SNX29: variants seen among roughly 807,000 people sequenced by gnomAD.
SNX29 encodes the protein sorting nexin-29.
SNX29 carries 78 observed loss-of-function variants against 102.1 expected under a neutral mutation model. That is an observed-to-expected ratio of 0.76 (90% CI 0.64 to 0.92). The LOEUF (loss-of-function observed/expected upper bound fraction) is 0.92. Among genes scored for constraint, SNX29 ranks in the 40% least tolerant of loss-of-function variants. The pLI is 0.00. For synonymous variants in SNX29, 580 were observed against 414.5 expected (o/e 1.40, Z -4.85); for missense variants, 1,280 against 1,061.7 (o/e 1.21, Z -2.86).
chr16:12,009,190 T>G (rs375056535), intron 3 of SNX29, among the ~76,000 whole-genome samples: 2 of 152,106 alleles, frequency 1.3e-5, no homozygotes, highest in South Asian at 2.1e-4. Context: ...TCAAGACAAA[T>G]AAGTAAATAA....
chr16:12,470,942 G>A (rs76887958), intron 18 of SNX29, among the ~76,000 whole-genome samples: 7,400 of 152,242 alleles, frequency 0.049, 587 homozygotes, highest in African/African-American at 0.17. Flanking sequence ...CTGCCTTACA[G>A]ATGAAGAAGC....
intron 18 of SNX29, among the ~76,000 whole-genome samples, chr16:12,434,290 C>G (rs115797034): frequency 0.013 from 2,027 of 152,270 alleles, 47 homozygotes; most frequent in African/African-American, 0.046. Flanking sequence ...GTAGTAAGCT[C>G]TCAGTGGCTG....
chr16:12,550,461 G>T (rs939250164), intron 20 of SNX29, among the ~76,000 whole-genome samples: 2 of 151,852 alleles, frequency 1.3e-5, no homozygotes, highest in Non-Finnish European at 2.9e-5. Flanking sequence ...CTTAAACCCG[G>T]GAGGTGGAGG....
chr16:12,388,334 G>GT (rs1167412421), intron 16 of SNX29, among the ~76,000 whole-genome samples: 2 of 152,164 alleles, frequency 1.3e-5, no homozygotes, highest in African/African-American at 4.8e-5. Context: ...AATTACATGA[G>GT]TGGGTACAAA....
rs774661988 is a variant in SNX29, at chr16:12,096,133, C to T, written c.1402+17218C>T. 4.6e-5 allele frequency among the ~76,000 whole-genome samples: 7 copies of T among 152,358 alleles called. No individual in the cohort carries two copies. Among genetic ancestry groups the T allele is most frequent in the Non-Finnish European group, 7.3e-5 (5 of 68,040 alleles). ...GCAGTCTGAGCCCCCTGCCCCTTAA[C>T]TGCCGAGAAGTGAACCTAGGTGACG... On this transcript the variant is annotated intron_variant, in intron 11 of 20. Coordinates refer to ENST00000566228, the MANE Select transcript of SNX29 (RefSeq NM_032167.5). This position sits in a 1 kb window ranked among gnomAD's most constrained non-coding sequence, Gnocchi z 4.2.
At chr16:12,431,763 T>G (rs1252590873) in intron 18 of SNX29, among the ~76,000 whole-genome samples, 1 of 152,224 alleles carries the variant, frequency 6.6e-6, no homozygotes, top group African/African-American at 2.4e-5. Flanking sequence ...TCTGAGCTGT[T>G]ACCTAAACCC....
chr16:12,169,923 G>C (rs1413487583), intron 13 of SNX29, among the ~76,000 whole-genome samples: 3 of 152,036 alleles, frequency 2.0e-5, no homozygotes, highest in Non-Finnish European at 4.4e-5. Flanking sequence ...TTACAGGGGT[G>C]AGCCACCGTA....
chr16:12,380,605 C>A (rs1401927716), intron 16 of SNX29, among the ~76,000 whole-genome samples: 4 of 134,532 alleles, frequency 3.0e-5, no homozygotes, highest in African/African-American at 2.8e-5. Flanking sequence ...ATCCACCCAT[C>A]CACCATCCAT....
At chr16:12,471,515 A>C (rs983118411) in intron 18 of SNX29, among the ~76,000 whole-genome samples, 9 of 152,130 alleles carry the variant, frequency 5.9e-5, no homozygotes, top group Non-Finnish European at 1.0e-4. Context: ...CTGAGGCCAG[A>C]ATCCAGTGTC....
At chr16:12,546,768 T>C (rs957856403) in intron 20 of SNX29, 3 of 108,238 alleles carry the variant, frequency 2.8e-5, no homozygotes, top group African/African-American at 1.4e-4. Context: ...ACAGCTACCT[T>C]CCATGCAACA....
At chr16:12,047,112 T>C (rs2050120110) in intron 6 of SNX29, among the ~76,000 whole-genome samples, 1 of 152,216 alleles carries the variant, frequency 6.6e-6, no homozygotes, top group Non-Finnish European at 1.5e-5. Flanking sequence ...CTGCCTTTTC[T>C]TTCCTCTCTG....
chr16:12,114,342 G>C (rs1312875808), intron 11 of SNX29, among the ~76,000 whole-genome samples: 1 of 152,240 alleles, frequency 6.6e-6, no homozygotes, highest in Non-Finnish European at 1.5e-5. Context: ...GAGGTGCAGA[G>C]AAGCACACGT....
chr16:12,249,220 G>A (rs2078350535), intron 14 of SNX29, among the ~76,000 whole-genome samples: 1 of 152,160 alleles, frequency 6.6e-6, no homozygotes, highest in Admixed American at 6.6e-5. Flanking sequence ...TGATTGGAAG[G>A]GCCTGGGCCA....
chr16:12,460,744 G>A (rs919664613), intron 18 of SNX29, among the ~76,000 whole-genome samples: 38 of 147,942 alleles, frequency 2.6e-4, no homozygotes, highest in Non-Finnish European at 4.6e-4. Flanking sequence ...TGCAACCTCC[G>A]CCTCCCGGGT....
chr16:12,512,844 T>G (rs1289234288), intron 19 of SNX29, among the ~76,000 whole-genome samples: 3 of 152,028 alleles, frequency 2.0e-5, no homozygotes, highest in African/African-American at 7.2e-5. Context: ...GCCTGGGGAG[T>G]GAGGGCGAGA....
intron 20 of SNX29, among the ~76,000 whole-genome samples, chr16:12,538,704 G>C (rs1484511904): frequency 1.3e-5 from 2 of 152,122 alleles, no homozygotes; most frequent in Non-Finnish European, 1.5e-5. Flanking sequence ...GGGCGAGCCT[G>C]GGCATGTACA....
At chr16:12,431,060 C>T (rs930679716) in intron 18 of SNX29, among the ~76,000 whole-genome samples, 2 of 152,146 alleles carry the variant, frequency 1.3e-5, no homozygotes, top group Admixed American at 6.5e-5. Context: ...CCGTGTTGGT[C>T]AGGCTGGTCT....
intron 20 of SNX29, among the ~76,000 whole-genome samples, chr16:12,563,774 C>T (rs2078865041): frequency 6.6e-6 from 1 of 152,206 alleles, no homozygotes; most frequent in African/African-American, 2.4e-5. Flanking sequence ...CCCTTGTCTG[C>T]CGACCTGTCT....
chr16:12,419,568 C>T (rs527477902), intron 18 of SNX29, among the ~76,000 whole-genome samples: 29 of 151,802 alleles, frequency 1.9e-4, no homozygotes, highest in Non-Finnish European at 3.7e-4. Context: ...CTCAGCCCCC[C>T]CCCCCATCTT....
Sources: allele counts gnomAD v4.1 joint callset (sites outside exome capture counted in the v4.1 genomes callset), GRCh38; gene constraint gnomAD v4.1.1; non-coding constraint Gnocchi (gnomAD v3.1); transcripts MANE v1.5; gene names NCBI Gene and HGNC (gene_info 2026-07-23, HGNC 2026-07-21).